POC5: variants seen among roughly 807,000 people sequenced by gnomAD.
The protein encoded by POC5 is POC5 centriolar protein.
POC5 carries 48 observed loss-of-function variants against 62.9 expected under a neutral mutation model. The observed-to-expected ratio is 0.76, with a 90% CI of 0.61 to 0.97. The LOEUF is 0.97. Among genes scored for constraint, POC5 ranks in the 50% least tolerant of loss-of-function variants. POC5 has a pLI of 0.00. For synonymous variants in POC5, 236 were observed against 228.2 expected, an observed-to-expected ratio of 1.03 and a Z score of -0.31; for missense variants, 696 against 679.5, an observed-to-expected ratio of 1.02 and a Z score of -0.27.
chr5:75,707,018 T>C lies in POC5; in HGVS notation c.223+719A>G, dbSNP rs188355067. ...TTTGGCCTCTGAGTAGGCTATGTCA[T>C]GCGCCTTCAAGGACAGGGATCCTTG... On this transcript the variant is annotated intron_variant, in intron 3 of 11. Transcript: ENST00000428202. Among the ~76,000 whole-genome samples, 12 of 152,340 alleles carry C rather than the reference T, an allele frequency of 7.9e-5. No individual in the cohort carries two copies. In the East Asian group the frequency reaches 1.7e-3, roughly 22 times the overall value.
At chr5:75,716,958 G>C (rs1742618506) in intron 1 of POC5, among the ~76,000 whole-genome samples, 1 of 152,198 alleles carries the variant, frequency 6.6e-6, no homozygotes, top group Non-Finnish European at 1.5e-5. Context: ...ATTGCAGTAA[G>C]CAAAAGGCCA....
At chr5:75,699,186 G>C (rs987599967) in intron 5 of POC5, among the ~76,000 whole-genome samples, 1 of 152,054 alleles carries the variant, frequency 6.6e-6, no homozygotes, top group Non-Finnish European at 1.5e-5. Flanking sequence ...CCAATCAATA[G>C]AAAAAGAGGG....
intron 3 of POC5, among the ~76,000 whole-genome samples, chr5:75,706,121 A>G (rs1005064920): frequency 6.6e-6 from 1 of 152,206 alleles, no homozygotes; most frequent in African/African-American, 2.4e-5. Context: ...GACACTGGGT[A>G]TTTCCAGAGG....
rs202144329 is a variant in POC5 at position 75,690,492 on chromosome 5, C to T, written c.866G>A (p.Arg289His). ...TLLKKVWKVW[R>H]SVVQKQWKDV... ...TTTCCACTGCTTTTGCACTACGGAA[C>T]GCCAGACTTTCCAGACTTTCTTCAG... The change falls in exon 8 of 12, where the codon CGT becomes CAT. Residue 289 changes from arginine (R) to histidine (H), a missense_variant. Coordinates refer to ENST00000428202, the MANE Select transcript of POC5 (RefSeq NM_001099271.2). 1.6e-4 allele frequency: 250 copies of T among 1,608,346 alleles called. No homozygotes were observed. The highest frequency in any genetic ancestry group is 1.9e-4 in the Non-Finnish European group (218 of 1,176,916).
chr5:75,707,298 C>T (rs2112197027), intron 3 of POC5, among the ~76,000 whole-genome samples: 1 of 152,302 alleles, frequency 6.6e-6, no homozygotes, highest in South Asian at 2.1e-4. Context: ...ATTATTCAAA[C>T]AGTCCTCCAT....
chr5:75,692,320 C>A, intron 7 of POC5, 76 bp downstream of exon 7: 6 of 961,346 alleles, frequency 6.2e-6, no homozygotes, highest in Admixed American at 2.9e-5. Flanking sequence ...TAGAAAACAA[C>A]TATAATAAGT....
intron 6 of POC5, among the ~76,000 whole-genome samples, chr5:75,693,101 T>C (rs1231867917): frequency 6.7e-6 from 1 of 148,256 alleles, no homozygotes; most frequent in Non-Finnish European, 1.5e-5. Flanking sequence ...ATATAACATA[T>C]GTCATACATA....
In POC5 at chr5:75,716,390, G is replaced by C. The variant is rs369268467; in HGVS notation, c.-15+916C>G. On this transcript the variant is annotated intron_variant, in intron 1 of 11. Coordinates refer to ENST00000428202, the MANE Select transcript of POC5 (RefSeq NM_001099271.2). ...CCAGGCAGGTAACAGGGGTGGGGGG[G>C]GGGGGGTGCTGATTATTTAAAAATG... Among the ~76,000 whole-genome samples the C allele has an allele frequency of 9.5e-5, 9 of 94,594 alleles. No individual in the cohort carries two copies. The South Asian group carries it at 1.3e-3, about 14-fold the overall frequency. The allele number at this position is 94,594 out of a possible 152,430, so 62.1% of individuals were successfully genotyped here. A position where few individuals can be genotyped will look rare whatever the true frequency, so the allele number is the denominator to read the frequency against.
intron 10 of POC5, among the ~76,000 whole-genome samples, chr5:75,681,742 C>T (rs1775874414): frequency 1.3e-5 from 2 of 151,696 alleles, no homozygotes; most frequent in African/African-American, 4.8e-5. Flanking sequence ...CTCCTTTTAG[C>T]TACTGGAAAT....
chr5:75,678,397 A>G (rs1322009407), intron 10 of POC5, among the ~76,000 whole-genome samples: 1 of 152,078 alleles, frequency 6.6e-6, no homozygotes, highest in Non-Finnish European at 1.5e-5. Context: ...ACTATCACTC[A>G]ATCAAGATAC....
chr5:75,703,941 G>A (rs1034013837), intron 4 of POC5, among the ~76,000 whole-genome samples: 1 of 151,974 alleles, frequency 6.6e-6, no homozygotes, highest in Non-Finnish European at 1.5e-5. Flanking sequence ...GAATCATGAG[G>A]TCAGGAGTTC....
chr5:75,710,383 C>T (rs567561526), intron 2 of POC5, among the ~76,000 whole-genome samples: 3 of 152,142 alleles, frequency 2.0e-5, no homozygotes, highest in Admixed American at 1.3e-4. Flanking sequence ...TATGCTGAAG[C>T]CCTAACACCC....
Position 75,717,409 on chromosome 5 carries a change from T to C in POC5, c.-118A>G, listed in dbSNP as rs1400644594. On this transcript the variant is annotated 5_prime_UTR_variant, in exon 1 of 12. Coordinates refer to ENST00000428202, the MANE Select transcript of POC5 (RefSeq NM_001099271.2). Reference sequence around the variant, plus strand: ...AGCCTCAGCAAGCACAACCGCTACCTAGACGGCAACCTGACAGTTTCAAAC... The same window carrying C: ...AGCCTCAGCAAGCACAACCGCTACCCAGACGGCAACCTGACAGTTTCAAAC... 6.6e-6 allele frequency: 1 copy of C among 152,268 alleles called. No individual in the cohort carries two copies. The highest frequency in any genetic ancestry group is 1.5e-5 in the Non-Finnish European group (1 of 68,078). The allele number at this position is 152,268 out of a possible 1,614,324, so 9.4% of individuals were successfully genotyped here.
At position 75,712,869 on chromosome 5, in the gene POC5, G is replaced by A; in HGVS notation, c.69C>T (p.Val23=). 5 of 1,610,946 alleles carry A rather than the reference G, an allele frequency of 3.1e-6. No homozygotes were observed. The highest frequency in any genetic ancestry group is 4.2e-6 in the Non-Finnish European group (5 of 1,178,390). The change falls in exon 2 of 12, where the codon GTC becomes GTT. Residue 23 remains valine (V), a synonymous_variant. Coordinates refer to ENST00000428202, the MANE Select transcript of POC5 (RefSeq NM_001099271.2). ...VQNDSSRGSS[V]SSNLQEEYEE... is the part of the protein sequence containing the mutation. ...TTTTTCCTACCTGAAGATTCGAAGA[G>A]ACAGAACTGCCTCGACTGGAGTCAT...
At chr5:75,684,230 A>G (rs1775991523) in intron 10 of POC5, among the ~76,000 whole-genome samples, 1 of 152,244 alleles carries the variant, frequency 6.6e-6, no homozygotes, top group East Asian at 1.9e-4. Flanking sequence ...GAAAAAGGAA[A>G]GGTGTTAGCT....
rs114593175 is a variant in POC5 at position 75,703,875 on chromosome 5, G to A, written c.308-1065C>T. On this transcript the variant is annotated intron_variant, in intron 4 of 11. Transcript: ENST00000428202. ...TCTATTTCTAAAAAAGCACTGAAAG[G>A]CTGGGCACGGTGGCTCATGCCTGTA... Among the ~76,000 whole-genome samples the A allele has an allele frequency of 4.9e-3, 751 of 152,030 alleles. 2 individuals carry two copies. The highest frequency in any genetic ancestry group is 7.9e-3 in the Non-Finnish European group (536 of 67,956).
intron 4 of POC5, among the ~76,000 whole-genome samples, chr5:75,704,766 G>A (rs1261036771): frequency 6.6e-6 from 1 of 152,222 alleles, no homozygotes; most frequent in East Asian, 1.9e-4. Flanking sequence ...CTAAGGGTTA[G>A]AGGCATTACT....
chr5:75,675,075 AT>A (rs1375165641), intron 11 of POC5, among the ~76,000 whole-genome samples: 1 of 152,200 alleles, frequency 6.6e-6, no homozygotes, highest in Non-Finnish European at 1.5e-5. Context: ...GAGCCCTCAT[AT>A]TTAACCTGGT....
At chr5:75,706,629 T>C (rs561947839) in intron 3 of POC5, among the ~76,000 whole-genome samples, 1 of 152,048 alleles carries the variant, frequency 6.6e-6, no homozygotes, top group African/African-American at 2.4e-5. Context: ...AGTGGCATAA[T>C]CATGGCACAC....
Sources: gnomAD v4.1 joint callset for allele counts (sites outside exome capture counted in the v4.1 genomes callset) on GRCh38, gnomAD v4.1.1 for gene constraint, MANE v1.5 for transcripts, NCBI Gene and HGNC (gene_info 2026-07-23, HGNC 2026-07-21) for gene names.